Variants in PTCHD4 observed in about 807,000 individuals in gnomAD.
PTCHD4 encodes the protein patched domain containing 4.
A neutral mutation model predicts 58.1 loss-of-function variants in PTCHD4; 33 were observed. The ratio of observed to expected loss-of-function variants is 0.57; its 90% CI spans 0.43 to 0.76. PTCHD4 has a LOEUF of 0.76. PTCHD4 is among the 30% of genes least tolerant of loss of function. PTCHD4 has a pLI of 0.00. For synonymous variants in PTCHD4, 478 were observed against 409.6 expected (o/e 1.17, Z -2.02); for missense variants, 1,058 against 1,027.1 (o/e 1.03, Z -0.41).
chr6:47,863,417 CTAATAATA>C lies in PTCHD4; in HGVS notation c.*14878_*14885del, dbSNP rs1345593334. ...AAATAGTACTTTACTATTATTTGGC[CTAATAATA>C]TAATAGTGTTTCAGCCTCATTATTT... On this transcript the variant is annotated 3_prime_UTR_variant, in exon 5 of 5. Transcript: ENST00000339488. Among the ~76,000 whole-genome samples, 1 of 151,824 alleles carries C rather than the reference CTAATAATA, an allele frequency of 6.6e-6. No individual in the cohort carries two copies. The highest frequency in any genetic ancestry group is 2.4e-5 in the African/African-American group (1 of 41,390).
intron 3 of PTCHD4, among the ~76,000 whole-genome samples, chr6:48,021,198 T>C (rs1436703391): frequency 6.6e-6 from 1 of 152,054 alleles, no homozygotes; most frequent in Non-Finnish European, 1.5e-5. Flanking sequence ...TAGAAACAAG[T>C]TTTTCTGCTT....
chr6:47,977,371 T>C (rs953166217), intron 4 of PTCHD4, among the ~76,000 whole-genome samples: 2 of 152,186 alleles, frequency 1.3e-5, no homozygotes, highest in African/African-American at 4.8e-5. Flanking sequence ...TAAATTCTCT[T>C]GAGGGCTTTG....
chr6:48,052,711 CAA>C (rs953428253), intron 3 of PTCHD4, among the ~76,000 whole-genome samples: 1 of 152,000 alleles, frequency 6.6e-6, no homozygotes, highest in African/African-American at 2.4e-5. Flanking sequence ...GCCTTTCTGT[CAA>C]AGACAGAGTA....
chr6:48,052,445 C>G (rs1199240148), intron 3 of PTCHD4, among the ~76,000 whole-genome samples: 1 of 151,820 alleles, frequency 6.6e-6, no homozygotes, highest in Non-Finnish European at 1.5e-5. Context: ...AAATTTTCTT[C>G]TGGAGAGACA....
chr6:47,987,532 A>C (rs767212206), intron 4 of PTCHD4, among the ~76,000 whole-genome samples: 31 of 152,190 alleles, frequency 2.0e-4, no homozygotes, highest in Middle Eastern at 3.2e-3. Context: ...AGTTAAAAAA[A>C]ATGCTAAATG....
At chr6:48,054,449 G>C (rs139154717) in intron 3 of PTCHD4, among the ~76,000 whole-genome samples, 8 of 152,054 alleles carry the variant, frequency 5.3e-5, no homozygotes, top group African/African-American at 1.9e-4. Flanking sequence ...TTAAACTTAT[G>C]GAAGCATAAA....
intron 1 of PTCHD4, among the ~76,000 whole-genome samples, chr6:48,109,761 G>A (rs914269758): frequency 6.6e-6 from 1 of 151,990 alleles, no homozygotes; most frequent in Non-Finnish European, 1.5e-5. Flanking sequence ...ATTTTAAAAT[G>A]AGCACAGGAC....
chr6:48,107,710 G>A (rs1424486426), intron 1 of PTCHD4, among the ~76,000 whole-genome samples: 2 of 152,028 alleles, frequency 1.3e-5, no homozygotes, highest in African/African-American at 4.8e-5. Flanking sequence ...ATCTGACAAA[G>A]GGCTAATATC....
chr6:48,109,305 A>G (rs778433342), intron 1 of PTCHD4, among the ~76,000 whole-genome samples: 26 of 152,174 alleles, frequency 1.7e-4, no homozygotes, highest in Non-Finnish European at 3.4e-4. Context: ...ATAAAAACCT[A>G]ATAGCCCAAT....
chr6:47,893,581 A>T (rs151229623), intron 4 of PTCHD4, among the ~76,000 whole-genome samples: 185 of 152,330 alleles, frequency 1.2e-3, no homozygotes, highest in Non-Finnish European at 2.1e-3. Context: ...GGACAAATGA[A>T]CTACTCCATG....
chr6:47,986,093 T>G (rs1453465048), intron 4 of PTCHD4, among the ~76,000 whole-genome samples: 1 of 152,150 alleles, frequency 6.6e-6, no homozygotes, highest in Non-Finnish European at 1.5e-5. Context: ...GACCCCTGTT[T>G]GTAGAACTTT....
At chr6:47,895,807 T>C (rs1370314011) in intron 4 of PTCHD4, among the ~76,000 whole-genome samples, 4 of 152,058 alleles carry the variant, frequency 2.6e-5, no homozygotes, top group Admixed American at 2.6e-4. Context: ...ATACCCATAC[T>C]TCGAATACTG....
At chr6:47,950,179 T>G (rs1327278106) in intron 4 of PTCHD4, among the ~76,000 whole-genome samples, 1 of 152,062 alleles carries the variant, frequency 6.6e-6, no homozygotes, top group Non-Finnish European at 1.5e-5. Context: ...TGGTTTCCAG[T>G]TTCATCCATG....
At chr6:48,096,266 C>A (rs575619683) in intron 1 of PTCHD4, among the ~76,000 whole-genome samples, 1 of 151,986 alleles carries the variant, frequency 6.6e-6, no homozygotes, top group African/African-American at 2.4e-5. Context: ...TGGAAGAAAT[C>A]GGCAAAGGCA....
intron 3 of PTCHD4, among the ~76,000 whole-genome samples, chr6:48,012,586 C>G (rs1245862856): frequency 6.6e-6 from 1 of 152,090 alleles, no homozygotes; most frequent in African/African-American, 2.4e-5. Flanking sequence ...TCCTGATTGC[C>G]CTGGCCAGAA....
chr6:47,910,065 T>C (rs1366633046), intron 4 of PTCHD4, among the ~76,000 whole-genome samples: 1 of 152,210 alleles, frequency 6.6e-6, no homozygotes, highest in East Asian at 1.9e-4. Flanking sequence ...TAGTAGGAGA[T>C]ACTTAAGATC....
chr6:47,879,859 T>C lies in PTCHD4; in HGVS notation c.976A>G (p.Ile326Val), dbSNP rs975202846. 5.6e-6 allele frequency: 9 copies of C among 1,605,744 alleles called. No homozygotes were observed. Among genetic ancestry groups the C allele is most frequent in the Non-Finnish European group, 7.7e-6 (9 of 1,175,756 alleles). Residue 326 changes from isoleucine to valine, a missense_variant, in exon 5 of 5, where the codon ATA (isoleucine) becomes GTA (valine). Physicochemically the swap from Ile to Val is conservative, Grantham distance 29. Transcript: ENST00000339488. ...TKENLPFKDR[I>V]ADAYSDVMVT... ...ATCACATCAGAATAGGCATCTGCTA[T>C]CCTGTCTTTGAAGGGCAAGTTCTCT... is the stretch of plus-strand genomic sequence containing the variant.
Position 47,988,276 on chromosome 6 carries a change from C to T in PTCHD4, c.898+20358G>A, listed in dbSNP as rs538850688. 2.0e-5 allele frequency among the ~76,000 whole-genome samples: 3 copies of T among 152,242 alleles called. No homozygotes were observed. The South Asian group carries it at 6.2e-4, about 32-fold the overall frequency. On this transcript the variant is annotated intron_variant, in intron 4 of 4. Coordinates refer to ENST00000339488, the MANE Select transcript of PTCHD4 (RefSeq NM_001384253.1). ...CTGTCAAGTTCTAGGCTGATACAAA[C>T]ACATAGCCACTTTGGAAGAGACAAC...
intron 4 of PTCHD4, 37 bp from the exon 5 acceptor site, chr6:47,879,973 A>G (rs1421733799): frequency 7.3e-7 from 1 of 1,365,954 alleles, no homozygotes; most frequent in Admixed American, 2.8e-5. Context: ...AATTATTTTT[A>G]TTTCCTCCTA....
Sources: gnomAD v4.1 joint callset for allele counts (sites outside exome capture counted in the v4.1 genomes callset) on GRCh38, gnomAD v4.1.1 for gene constraint, MANE v1.5 for transcripts, NCBI Gene and HGNC (gene_info 2026-07-23, HGNC 2026-07-21) for gene names.